MOB3B: variants seen among roughly 807,000 people sequenced by gnomAD.
MOB3B encodes MOB kinase activator-like 2B.
In MOB3B, 7 loss-of-function variants were observed where a neutral mutation model predicts 18.7. The ratio of observed to expected loss-of-function variants is 0.37; its 90% CI spans 0.21 to 0.70. The LOEUF is 0.70. Ranked by LOEUF, MOB3B falls within the 30% of genes least tolerant of loss-of-function variation. The pLI, the probability that MOB3B is intolerant of heterozygous loss-of-function variation, is 0.52. For missense variants in MOB3B, 253 were observed against 281.3 expected (o/e 0.90, Z 0.72); for synonymous variants, 111 against 99.9 (o/e 1.11, Z -0.66).
intron 1 of MOB3B, among the ~76,000 whole-genome samples, chr9:27,504,983 C>T (rs959634584): frequency 1.3e-5 from 2 of 152,156 alleles, no homozygotes; most frequent in African/African-American, 2.4e-5. Flanking sequence ...CTCAGACTCT[C>T]GCTTGCCTGC....
At chr9:27,464,245 AG>A (rs1428454532) in intron 1 of MOB3B, among the ~76,000 whole-genome samples, 1 of 152,182 alleles carries the variant, frequency 6.6e-6, no homozygotes, top group African/African-American at 2.4e-5. Context: ...TGGCAATGGA[AG>A]CCCTGCATAG....
At chr9:27,460,407 A>G (rs1488096237) in intron 1 of MOB3B, among the ~76,000 whole-genome samples, 24 of 152,236 alleles carry the variant, frequency 1.6e-4, no homozygotes, top group Admixed American at 1.6e-3. Flanking sequence ...CTGCAAGGGA[A>G]TGTTGACAAG....
chr9:27,409,268 T>C (rs944913812), intron 2 of MOB3B, among the ~76,000 whole-genome samples: 1 of 152,228 alleles, frequency 6.6e-6, no homozygotes, highest in Admixed American at 6.5e-5. Flanking sequence ...GACTTCCTTC[T>C]GGTGTTTAAA....
intron 2 of MOB3B, among the ~76,000 whole-genome samples, chr9:27,434,423 C>G (rs1822464315): frequency 6.6e-6 from 1 of 151,864 alleles, no homozygotes; most frequent in Non-Finnish European, 1.5e-5. Context: ...TGGTGTGCCT[C>G]AAAGCTCTGT....
rs1340872395 is a variant in MOB3B at position 27,336,141 on chromosome 9, G to A, written c.622-5525C>T. ...TAGGCATTACTTTTTCTAATTTACA[G>A]ATGAGGAAAAGGAGGCCCAGAAATT... On this transcript the variant is annotated intron_variant, in intron 3 of 3. Coordinates refer to ENST00000262244, the MANE Select transcript of MOB3B (RefSeq NM_024761.5). Among the ~76,000 whole-genome samples the A allele has an allele frequency of 5.9e-5, 9 of 152,186 alleles. No homozygotes were observed. The East Asian group carries it at 1.7e-3, about 29-fold the overall frequency.
At chr9:27,383,033 G>T (rs189721721) in intron 2 of MOB3B, among the ~76,000 whole-genome samples, 15 of 152,272 alleles carry the variant, frequency 9.9e-5, no homozygotes, top group Non-Finnish European at 1.8e-4. Context: ...AAAAGAATGT[G>T]GGGGGAGAAG....
intron 1 of MOB3B, among the ~76,000 whole-genome samples, chr9:27,487,833 C>T (rs1819753814): frequency 6.6e-6 from 1 of 152,226 alleles, no homozygotes; most frequent in African/African-American, 2.4e-5. Flanking sequence ...TTCTGCTATG[C>T]TATCATCATG....
At chr9:27,338,537 G>A (rs1322345067) in intron 3 of MOB3B, among the ~76,000 whole-genome samples, 1 of 152,076 alleles carries the variant, frequency 6.6e-6, no homozygotes, top group Non-Finnish European at 1.5e-5. Flanking sequence ...TTGCTGCAGG[G>A]AAATCCCCGG....
intron 2 of MOB3B, 29 bp downstream of exon 2, chr9:27,455,104 A>C: frequency 6.2e-7 from 1 of 1,613,646 alleles, no homozygotes; most frequent in Non-Finnish European, 8.5e-7. Flanking sequence ...GCAGGTGACA[A>C]AAAAACTGAG....
chr9:27,476,386 C>T (rs1359255180), intron 1 of MOB3B, among the ~76,000 whole-genome samples: 2 of 152,088 alleles, frequency 1.3e-5, no homozygotes, highest in African/African-American at 4.8e-5. Flanking sequence ...CTTCAGTGTT[C>T]CTTGGCTTGT....
At chr9:27,524,486 T>C (rs1367009407) in intron 1 of MOB3B, 2 of 1,614,080 alleles carry the variant, frequency 1.2e-6, no homozygotes, top group Non-Finnish European at 1.7e-6. Context: ...ATCTGAGTAG[T>C]ATGAGCAATT....
intron 1 of MOB3B, among the ~76,000 whole-genome samples, chr9:27,511,745 A>AT (rs949436271): frequency 2.6e-5 from 4 of 151,954 alleles, no homozygotes; most frequent in East Asian, 1.9e-4. Context: ...CTCCAGAAGG[A>AT]TTTTTTTTCT....
rs912821002 is a variant in MOB3B, at chr9:27,325,213, G to A, written c.*5374C>T. 5 of 151,680 alleles carry A rather than the reference G, an allele frequency of 3.3e-5. No individual in the cohort carries two copies. Among genetic ancestry groups the A allele is most frequent in the African/African-American group, 1.2e-4 (5 of 41,230 alleles). 9.4% of individuals were successfully genotyped at this position (151,680 alleles called of 1,614,324 possible). A position where few individuals can be genotyped will look rare whatever the true frequency, so the allele number is the denominator to read the frequency against. On this transcript the variant is annotated 3_prime_UTR_variant, in exon 4 of 4. Coordinates refer to ENST00000262244, the MANE Select transcript of MOB3B (RefSeq NM_024761.5). Reference sequence around the variant, plus strand: ...ATTAAAAAAAGACAGACTAGATAATGGTTATATGCTTTTTATTTGTGACAT... The same window carrying A: ...ATTAAAAAAAGACAGACTAGATAATAGTTATATGCTTTTTATTTGTGACAT...
chr9:27,503,053 G>T (rs1296505479), intron 1 of MOB3B, among the ~76,000 whole-genome samples: 1 of 152,152 alleles, frequency 6.6e-6, no homozygotes, highest in Non-Finnish European at 1.5e-5. Context: ...AATGAGAGAT[G>T]CTGACTTCAT....
chr9:27,467,290 T>C (rs1819399913), intron 1 of MOB3B, among the ~76,000 whole-genome samples: 1 of 152,214 alleles, frequency 6.6e-6, no homozygotes, highest in African/African-American at 2.4e-5. Flanking sequence ...TTTCTCTTTG[T>C]GCTTTAATTT....
chr9:27,487,213 T>G (rs547243008), intron 1 of MOB3B, among the ~76,000 whole-genome samples: 2 of 152,236 alleles, frequency 1.3e-5, no homozygotes, highest in South Asian at 4.2e-4. Flanking sequence ...CTATAAGTCA[T>G]GCCAGACTAT....
intron 1 of MOB3B, among the ~76,000 whole-genome samples, chr9:27,522,927 A>ATT (rs373430452): frequency 0.03 from 4,514 of 150,880 alleles, 357 homozygotes; most frequent in East Asian, 0.23. Flanking sequence ...ATATATATAT[A>ATT]TTTTTTTCCG....
At chr9:27,382,919 TA>T (rs1234137673) in intron 2 of MOB3B, among the ~76,000 whole-genome samples, 1 of 152,076 alleles carries the variant, frequency 6.6e-6, no homozygotes, top group Non-Finnish European at 1.5e-5. Context: ...CTTTATGTGT[TA>T]AAGATATGAA....
intron 1 of MOB3B, among the ~76,000 whole-genome samples, chr9:27,500,958 C>T (rs1819981385): frequency 6.6e-6 from 1 of 152,046 alleles, no homozygotes; most frequent in Non-Finnish European, 1.5e-5. Context: ...AGACACTTCT[C>T]AAAAGAAGAC....
Sources: gnomAD v4.1 joint callset for allele counts (sites outside exome capture counted in the v4.1 genomes callset) on GRCh38, gnomAD v4.1.1 for gene constraint, MANE v1.5 for transcripts, NCBI Gene and HGNC (gene_info 2026-07-23, HGNC 2026-07-21) for gene names.